Variants in SCFD1 observed in about 807,000 individuals in gnomAD.
SCFD1 encodes sec1 family domain-containing protein 1.
In SCFD1, 37 loss-of-function variants were observed where a neutral mutation model predicts 103.2. That is an observed-to-expected ratio of 0.36 (90% CI 0.28 to 0.47). The LOEUF (loss-of-function observed/expected upper bound fraction) is 0.47. SCFD1 is among the 20% of genes least tolerant of loss of function. The pLI is 1.00. For missense variants in SCFD1, 639 were observed against 761.2 expected, an observed-to-expected ratio of 0.84 and a Z score of 1.89; for synonymous variants, 264 against 245.0, an observed-to-expected ratio of 1.08 and a Z score of -0.73.
At chr14:30,677,056 G>T (rs2139234812) in intron 14 of SCFD1, among the ~76,000 whole-genome samples, 1 of 152,284 alleles carries the variant, frequency 6.6e-6, no homozygotes, top group African/African-American at 2.4e-5. Context: ...ATAAAAGAAA[G>T]TGTTCCCTTT....
At chr14:30,627,410 A>G (rs1267675621) in intron 1 of SCFD1, among the ~76,000 whole-genome samples, 1 of 152,242 alleles carries the variant, frequency 6.6e-6, no homozygotes, top group Non-Finnish European at 1.5e-5. Flanking sequence ...AAGGTTTTGT[A>G]TATGAACCAA....
At position 30,712,195 on chromosome 14, in the gene SCFD1, G is replaced by A. The variant is rs369601450; in HGVS notation, c.1630-3729G>A. 1.0e-3 allele frequency among the ~76,000 whole-genome samples: 157 copies of A among 152,096 alleles called. 1 individual carries two copies. The highest frequency in any genetic ancestry group is 3.5e-3 in the African/African-American group (146 of 41,508). On this transcript the variant is annotated intron_variant, in intron 19 of 24. Transcript: ENST00000458591. The stretch of plus-strand genomic sequence containing the variant: ...TCCAGTGTTTCCAGTGTCCACACAC[G>A]CCATCTAATTCTTTACTTGGCTGAT...
At chr14:30,713,477 T>C (rs1484854461) in intron 19 of SCFD1, among the ~76,000 whole-genome samples, 1 of 152,214 alleles carries the variant, frequency 6.6e-6, no homozygotes, top group African/African-American at 2.4e-5. Context: ...ATTTTTCTCA[T>C]GTTACTTAAT....
At chr14:30,633,773 A>G (rs1884421386) in intron 3 of SCFD1, among the ~76,000 whole-genome samples, 174 bp from the exon 4 acceptor site, 1 of 152,078 alleles carries the variant, frequency 6.6e-6, no homozygotes, top group Non-Finnish European at 1.5e-5. Flanking sequence ...TACTAATGCT[A>G]ATAAATAATA....
intron 23 of SCFD1, among the ~76,000 whole-genome samples, chr14:30,723,476 T>G (rs993641411): frequency 3.9e-5 from 6 of 152,206 alleles, no homozygotes; most frequent in Non-Finnish European, 7.3e-5. Context: ...TCATGGGGTT[T>G]GTTGTACAGA....
chr14:30,638,294 A>G, intron 5 of SCFD1, 47 bp downstream of exon 5: 1 of 1,610,960 alleles, frequency 6.2e-7, no homozygotes, highest in Non-Finnish European at 8.5e-7. Flanking sequence ...TGTAAAATTT[A>G]ACACTGTTCT....
chr14:30,653,328 G>C (rs1241229954), intron 9 of SCFD1, among the ~76,000 whole-genome samples, 161 bp from the exon 10 acceptor site: 1 of 152,120 alleles, frequency 6.6e-6, no homozygotes, highest in Non-Finnish European at 1.5e-5. Context: ...TGTGGTGCTT[G>C]CTTCAGCAGC....
chr14:30,735,561 T>G (rs748462936), intron 24 of SCFD1, 25 bp from the exon 25 acceptor site: 1 of 1,525,554 alleles, frequency 6.6e-7, no homozygotes, highest in Non-Finnish European at 9.0e-7. Flanking sequence ...AAAAGTTTTA[T>G]GTATGATTTT....
chr14:30,729,456 T>TC (rs1893287675), intron 23 of SCFD1, among the ~76,000 whole-genome samples: 1 of 152,200 alleles, frequency 6.6e-6, no homozygotes, highest in Admixed American at 6.5e-5. Flanking sequence ...GACTATTCTT[T>TC]CCCCCATGTA....
chr14:30,696,223 A>G (rs182115984), intron 15 of SCFD1, among the ~76,000 whole-genome samples: 177 of 152,354 alleles, frequency 1.2e-3, no homozygotes, highest in Non-Finnish European at 1.7e-3. Context: ...ATTTATACAA[A>G]CATCTGAGAA....
chr14:30,664,514 C>T (rs373064428), intron 10 of SCFD1, among the ~76,000 whole-genome samples: 1 of 152,110 alleles, frequency 6.6e-6, no homozygotes, highest in Non-Finnish European at 1.5e-5. Context: ...TGCAGCTCCT[C>T]GCCAGCAACG....
At chr14:30,696,580 AT>A (rs1432688282) in intron 15 of SCFD1, among the ~76,000 whole-genome samples, 1 of 152,218 alleles carries the variant, frequency 6.6e-6, no homozygotes, top group Non-Finnish European at 1.5e-5. Context: ...GACTAAGGGC[AT>A]CCACTCATGG....
intron 15 of SCFD1, among the ~76,000 whole-genome samples, chr14:30,697,686 T>G (rs1421047441): frequency 1.3e-5 from 2 of 152,174 alleles, no homozygotes; most frequent in Middle Eastern, 3.2e-3. Context: ...GCATCACTGT[T>G]GTGATATTCT....
chr14:30,679,356 G>C (rs1052869337), intron 14 of SCFD1, among the ~76,000 whole-genome samples: 1 of 152,100 alleles, frequency 6.6e-6, no homozygotes, highest in Non-Finnish European at 1.5e-5. Flanking sequence ...GAACATGATG[G>C]TTTAAATAAA....
At chr14:30,666,655 C>A (rs1888002064) in intron 10 of SCFD1, among the ~76,000 whole-genome samples, 1 of 151,828 alleles carries the variant, frequency 6.6e-6, no homozygotes, top group Admixed American at 6.6e-5. Flanking sequence ...AGACTGCTAG[C>A]AAGACTAATA....
Position 30,688,858 on chromosome 14 carries a change from G to A in SCFD1, c.1243-5915G>A, listed in dbSNP as rs1462879652. ...TGTGTGAATTTGATCCTGTCATTAGGATGTTAGCTGGTGATTTTGCTCATT... is the reference window on the plus strand; with the variant it reads ...TGTGTGAATTTGATCCTGTCATTAGAATGTTAGCTGGTGATTTTGCTCATT... On this transcript the variant is annotated intron_variant, in intron 14 of 24. Transcript: ENST00000458591. Among the ~76,000 whole-genome samples, 2 of 93,378 alleles carry A rather than the reference G, an allele frequency of 2.1e-5. 1 individual carries two copies. Among genetic ancestry groups the A allele is most frequent in the African/African-American group, 1.8e-4 (2 of 11,240 alleles). The allele number at this position is 93,378 out of a possible 152,430, so 61.3% of individuals were successfully genotyped here. A position where few individuals can be genotyped will look rare whatever the true frequency, so the allele number is the denominator to read the frequency against.
At chr14:30,705,179 T>C (rs1348199046) in intron 17 of SCFD1, among the ~76,000 whole-genome samples, 4 of 152,134 alleles carry the variant, frequency 2.6e-5, no homozygotes. Flanking sequence ...GGAAAAATCA[T>C]TGAGTGGTAG....
At chr14:30,730,198 T>C (rs549400628) in intron 23 of SCFD1, among the ~76,000 whole-genome samples, 13 of 152,376 alleles carry the variant, frequency 8.5e-5, no homozygotes, top group African/African-American at 3.1e-4. Flanking sequence ...TCATCCTTTT[T>C]TATGGCTGCA....
intron 10 of SCFD1, among the ~76,000 whole-genome samples, chr14:30,666,203 G>C (rs1171819065): frequency 6.6e-6 from 1 of 152,112 alleles, no homozygotes. Context: ...ACAACAAACT[G>C]TCTCTCAGAC....
Sources: allele counts gnomAD v4.1 joint callset (sites outside exome capture counted in the v4.1 genomes callset), GRCh38; gene constraint gnomAD v4.1.1; transcripts MANE v1.5; gene names NCBI Gene and HGNC (gene_info 2026-07-23, HGNC 2026-07-21).